Variants in ASMT observed in about 807,000 individuals in gnomAD.
ASMT encodes the protein acetylserotonin N-methyltransferase.
In ASMT, 53 loss-of-function variants were observed where a neutral mutation model predicts 41.3. The ratio of observed to expected loss-of-function variants is 1.28; its 90% confidence interval spans 1.03 to 1.61. The LOEUF is 1.61. Ranked by LOEUF, ASMT falls within the 40% of genes most tolerant of loss-of-function variation. ASMT has a pLI of 0.00. For missense variants in ASMT, 531 were observed against 441.3 expected (o/e 1.20, Z -1.82); for synonymous variants, 231 against 184.8 (o/e 1.25, Z -2.03).
At chrX:1,633,795 C>T (rs1204001783) in intron 7 of ASMT, among the ~76,000 whole-genome samples, 1 of 152,148 alleles carries the variant, frequency 6.6e-6, no homozygotes, top group Non-Finnish European at 1.5e-5. Context: ...CCCACCACCA[C>T]ACCTGGCTAA....
chrX:1,621,610 G>C (rs1167556729), intron 1 of ASMT, among the ~76,000 whole-genome samples: 3 of 150,884 alleles, frequency 2.0e-5, no homozygotes, highest in Non-Finnish European at 4.4e-5. Context: ...GAGCTACCAC[G>C]CCTGGCTGAT....
chrX:1,615,262 G>A lies in ASMT; in HGVS notation c.63G>A (p.Val21=). ...ATGACTACGCCAACGGCTTCATGGT[G>A]TCCCAGGTAGGATACGCTCTGTGGG... is the stretch of plus-strand genomic sequence containing the variant. ...LLNDYANGFM[V]SQVLFAACEL... is the part of the protein sequence containing the mutation. The change falls in exon 1 of 9, where the codon GTG becomes GTA. Residue 21 remains valine, a synonymous_variant. Transcript: ENST00000381241. 6.3e-7 allele frequency: 1 copy of A among 1,592,132 alleles called. No homozygotes were observed. The highest frequency in any genetic ancestry group is 8.6e-7 in the Non-Finnish European group (1 of 1,169,266).
At chrX:1,631,952 G>A (rs1317714210) in intron 5 of ASMT, among the ~76,000 whole-genome samples, 1 of 152,164 alleles carries the variant, frequency 6.6e-6, no homozygotes, top group Non-Finnish European at 1.5e-5. Flanking sequence ...AGGAGGCTGA[G>A]GCAGGAGAAT....
At chrX:1,641,483 C>A (rs1450064093) in intron 8 of ASMT, among the ~76,000 whole-genome samples, 1 of 148,270 alleles carries the variant, frequency 6.7e-6, no homozygotes, top group African/African-American at 2.5e-5. Context: ...GAGGTCCATC[C>A]ATCCTGATGG....
At chrX:1,633,392 C>T in intron 7 of ASMT, 102 bp downstream of exon 7, 2 of 1,467,650 alleles carry the variant, frequency 1.4e-6, no homozygotes, top group Non-Finnish European at 1.9e-6. Flanking sequence ...GTTTTCCTCT[C>T]ACTCCCGGAA....
rs192622428 is a variant in ASMT, at chrX:1,643,065, A to G, written c.*51A>G. 3.8e-6 allele frequency: 6 copies of G among 1,579,084 alleles called. No homozygotes were observed. In the East Asian group the frequency reaches 1.3e-4, roughly 35 times the overall value. Reference sequence around the variant, plus strand: ...GTCAAAGCACACAAGACATAATAATAAAGACATGTACCTCCAGTGGCTTCT... The same window carrying G: ...GTCAAAGCACACAAGACATAATAATGAAGACATGTACCTCCAGTGGCTTCT... On this transcript the variant is annotated 3_prime_UTR_variant, in exon 9 of 9. Transcript: ENST00000381241.
intron 7 of ASMT, among the ~76,000 whole-genome samples, chrX:1,633,594 G>C (rs1934854935): frequency 6.6e-6 from 1 of 151,530 alleles, no homozygotes; most frequent in Non-Finnish European, 1.5e-5. Flanking sequence ...TCCTGCCTCA[G>C]CCTCCCAAGT....
intron 2 of ASMT, among the ~76,000 whole-genome samples, chrX:1,623,562 G>A (rs1444140905): frequency 6.6e-6 from 1 of 152,174 alleles, no homozygotes; most frequent in African/African-American, 2.4e-5. Flanking sequence ...TCGTGCCACT[G>A]CACTCCAGTC....
At position 1,615,097 on chromosome X, in the gene ASMT, C is replaced by T; in HGVS notation, c.-103C>T. 1 of 941,626 alleles carries T rather than the reference C, an allele frequency of 1.1e-6. No homozygotes were observed. Among genetic ancestry groups the T allele is most frequent in the Non-Finnish European group, 1.7e-6 (1 of 589,428 alleles). The allele number at this position is 941,626 out of a possible 1,614,324, so 58.3% of individuals were successfully genotyped here. Reference sequence around the variant, plus strand: ...GCAGGCAGCAGGGAGAGTCAGGCAGCAGCTGTGAGCGGGTGGCTCTTCCCC... The same window carrying T: ...GCAGGCAGCAGGGAGAGTCAGGCAGTAGCTGTGAGCGGGTGGCTCTTCCCC... On this transcript the variant is annotated 5_prime_UTR_variant, in exon 1 of 9. Transcript: ENST00000381241.
intron 8 of ASMT, among the ~76,000 whole-genome samples, chrX:1,640,638 GCTCTCC>G (rs1935114929): frequency 1.6e-3 from 5 of 3,142 alleles, no homozygotes; most frequent in Non-Finnish European, 2.2e-3. Context: ...CCATGTCCCA[GCTCTCC>G]TGTGAGGTCC....
intron 7 of ASMT, among the ~76,000 whole-genome samples, chrX:1,635,886 C>G (rs763616760): frequency 6.7e-6 from 1 of 149,316 alleles, no homozygotes; most frequent in Non-Finnish European, 1.5e-5. Context: ...AACAAAAAAA[C>G]AAAAAAGAAA....
At chrX:1,620,839 T>A (rs1381564852) in intron 1 of ASMT, among the ~76,000 whole-genome samples, 5 of 151,058 alleles carry the variant, frequency 3.3e-5, no homozygotes, top group Admixed American at 2.6e-4. Flanking sequence ...CCGTGAGGCG[T>A]GATCGTGCCA....
chrX:1,625,535 A>AGGAAGGAAGGGAG, intron 3 of ASMT, among the ~76,000 whole-genome samples: 1 of 63,980 alleles, frequency 1.6e-5, no homozygotes, highest in East Asian at 9.6e-4. Context: ...GGGAGAAGGA[A>AGGAAGGAAGGGAG]GGAAGGAAGG....
rs1934168425 is a variant in ASMT, at chrX:1,617,240, T to G, written c.69+1972T>G. Among the ~76,000 whole-genome samples the G allele has an allele frequency of 2.6e-5, 4 of 151,302 alleles. No homozygotes were observed. In the South Asian group the frequency reaches 8.4e-4, roughly 32 times the overall value. On this transcript the variant is annotated intron_variant, in intron 1 of 8. Coordinates refer to ENST00000381241, the MANE Select transcript of ASMT (RefSeq NM_001171038.2). ...TCCCAGCACTTTTTGGGGTCCAAGGTGGGCGGATCACTTGAGGTCAGGAGT... is the reference window on the plus strand; with the variant it reads ...TCCCAGCACTTTTTGGGGTCCAAGGGGGGCGGATCACTTGAGGTCAGGAGT...
chrX:1,628,815 TCTC>T (rs1326017950), intron 4 of ASMT, among the ~76,000 whole-genome samples: 51 of 74,898 alleles, frequency 6.8e-4, no homozygotes, highest in African/African-American at 2.9e-3. Context: ...CCTCTCTCCT[TCTC>T]CTCTCCCGTC....
Position 1,636,436 on chromosome X carries a change from A to G in ASMT, c.788-2A>G, listed in dbSNP as rs1264241666. ...CCTCGGTGTGCCTGCCCTGTGTTCC[A>G]GGGGATTTCTTCAAAGACCCTCTTC... On this transcript the variant is annotated splice_acceptor_variant, in intron 7 of 8. Transcript: ENST00000381241. LOFTEE classifies it high-confidence loss of function. 1 of 1,613,900 alleles carries G rather than the reference A, an allele frequency of 6.2e-7. No individual in the cohort carries two copies. The highest frequency in any genetic ancestry group is 1.1e-5 in the South Asian group (1 of 91,076).
At chrX:1,616,161 T>A (rs1302030461) in intron 1 of ASMT, among the ~76,000 whole-genome samples, 5 of 150,626 alleles carry the variant, frequency 3.3e-5, no homozygotes, top group Non-Finnish European at 7.4e-5. Context: ...CCCGAGTATC[T>A]GGGATTACAG....
intron 4 of ASMT, among the ~76,000 whole-genome samples, chrX:1,628,203 C>T (rs1480346102): frequency 6.6e-6 from 1 of 152,154 alleles, no homozygotes; most frequent in East Asian, 1.9e-4. Context: ...CGCCTGTAAT[C>T]CCAGCTAGTC....
intron 8 of ASMT, among the ~76,000 whole-genome samples, chrX:1,636,985 G>A (rs766102212): frequency 1.7e-3 from 121 of 69,322 alleles, no homozygotes; most frequent in South Asian, 2.2e-3. Context: ...GAGGATGTGG[G>A]CACAGCCTCT....
Sources: gnomAD v4.1 joint callset for allele counts (sites outside exome capture counted in the v4.1 genomes callset) on GRCh38, gnomAD v4.1.1 for gene constraint, MANE v1.5 for transcripts, NCBI Gene and HGNC (gene_info 2026-07-23, HGNC 2026-07-21) for gene names.